The following DYNLT2B variants were observed in gnomAD, a reference collection of about 807,000 sequenced individuals.
DYNLT2B encodes the protein dynein light chain Tctex-type 2B, also known as dynein light chain Tctex-type protein 2B.
A neutral mutation model predicts 19.5 loss-of-function variants in DYNLT2B; 14 were observed. The observed-to-expected ratio is 0.72, with a 90% CI of 0.47 to 1.12. DYNLT2B has a LOEUF of 1.12. Among genes scored for constraint, DYNLT2B ranks in the 50% most tolerant of loss-of-function variants. DYNLT2B has a pLI of 0.00. For synonymous variants in DYNLT2B, 70 were observed against 59.7 expected (o/e 1.17, Z -0.79); for missense variants, 133 against 174.7 (o/e 0.76, Z 1.35).
At chr3:196,296,890 C>T (rs1249788983) in intron 3 of DYNLT2B, among the ~76,000 whole-genome samples, 1 of 152,006 alleles carries the variant, frequency 6.6e-6, no homozygotes, top group African/African-American at 2.4e-5. Flanking sequence ...ACAGCCACTG[C>T]ACTTCAGCCT....
chr3:196,307,215 T>C (rs1370787669), intron 2 of DYNLT2B, among the ~76,000 whole-genome samples: 1 of 152,174 alleles, frequency 6.6e-6, no homozygotes, highest in Non-Finnish European at 1.5e-5. Flanking sequence ...AATTTAACTT[T>C]TCAGTTTAAG....
chr3:196,301,858 A>AT (rs1726363535), intron 3 of DYNLT2B, among the ~76,000 whole-genome samples: 1 of 152,204 alleles, frequency 6.6e-6, no homozygotes, highest in Non-Finnish European at 1.5e-5. Flanking sequence ...GAAAGATACA[A>AT]TAACTGAAAT....
rs896558742 is a variant in DYNLT2B, at chr3:196,318,070, G to A, written c.83C>T (p.Thr28Ile). ...AEKNAGEPEN[T>I]YILRPVFQQR... ...CTGGAAAACAGGCCGCAGAATATAG[G>A]TGTTCTCGGGCTCCCCTGCGTTCTT... The change falls in exon 1 of 5, where the codon ACC becomes ATC. Residue 28 changes from threonine to isoleucine, a missense_variant. Thr to Ile is a moderately conservative substitution (Grantham distance 89). Transcript: ENST00000325318. 2 of 1,562,060 alleles carry A rather than the reference G, an allele frequency of 1.3e-6. No homozygotes were observed. Among genetic ancestry groups the A allele is most frequent in the African/African-American group, 1.4e-5 (1 of 70,576 alleles).
chr3:196,315,541 G>A (rs952673521), intron 2 of DYNLT2B, among the ~76,000 whole-genome samples: 5 of 151,636 alleles, frequency 3.3e-5, no homozygotes, highest in African/African-American at 7.3e-5. Flanking sequence ...GATTACAGGC[G>A]TGAGCCACTG....
intron 1 of DYNLT2B, among the ~76,000 whole-genome samples, chr3:196,316,699 T>G (rs535163073): frequency 6.6e-6 from 1 of 152,318 alleles, no homozygotes; most frequent in Non-Finnish European, 1.5e-5. Context: ...GTATGAAATT[T>G]GTATCACTTT....
intron 3 of DYNLT2B, among the ~76,000 whole-genome samples, chr3:196,299,287 G>A (rs1420272274): frequency 1.3e-5 from 2 of 151,816 alleles, no homozygotes; most frequent in African/African-American, 2.4e-5. Flanking sequence ...GTTTCACCAT[G>A]TTGGGCAGGC....
chr3:196,315,735 G>A (rs1027343711), intron 2 of DYNLT2B, among the ~76,000 whole-genome samples: 2 of 152,104 alleles, frequency 1.3e-5, no homozygotes, highest in Non-Finnish European at 2.9e-5. Context: ...AGCCAGGCGT[G>A]ATGGTGCATG....
chr3:196,308,870 G>A (rs564249951), intron 2 of DYNLT2B, among the ~76,000 whole-genome samples: 18 of 152,054 alleles, frequency 1.2e-4, no homozygotes, highest in African/African-American at 4.3e-4. Flanking sequence ...TCACGGTTCT[G>A]AGGGGAAAAT....
intron 4 of DYNLT2B, among the ~76,000 whole-genome samples, chr3:196,291,652 T>C (rs1726099228): frequency 6.6e-6 from 1 of 152,110 alleles, no homozygotes; most frequent in Admixed American, 6.6e-5. Context: ...CTAATTTTGT[T>C]TATTTTTTGT....
chr3:196,311,315 G>A (rs997540559), intron 2 of DYNLT2B, among the ~76,000 whole-genome samples: 1 of 151,692 alleles, frequency 6.6e-6, no homozygotes, highest in South Asian at 2.1e-4. Flanking sequence ...CTTGGGAGGC[G>A]GAGATGGGAG....
chr3:196,292,407 C>T (rs1726113828), intron 4 of DYNLT2B: 1 of 152,190 alleles, frequency 6.6e-6, no homozygotes, highest in South Asian at 2.1e-4. Flanking sequence ...GGGTGGATAA[C>T]TCTGAACTGT....
At chr3:196,308,754 A>G (rs962617766) in intron 2 of DYNLT2B, among the ~76,000 whole-genome samples, 1 of 152,222 alleles carries the variant, frequency 6.6e-6, no homozygotes, top group African/African-American at 2.4e-5. Flanking sequence ...ACAGAGTCCA[A>G]GTTATTTTTA....
chr3:196,306,827 C>G, intron 3 of DYNLT2B, 116 bp downstream of exon 3: 1 of 880,420 alleles, frequency 1.1e-6, no homozygotes, highest in Non-Finnish European at 1.8e-6. Flanking sequence ...AGGTGTGACC[C>G]ATCACACCCG....
chr3:196,294,331 G>T lies in DYNLT2B; in HGVS notation c.381+1675C>A, dbSNP rs930682243. On this transcript the variant is annotated intron_variant, in intron 4 of 4. Coordinates refer to ENST00000325318, the MANE Select transcript of DYNLT2B (RefSeq NM_152773.5). Reference sequence around the variant, plus strand: ...CATTGCACTCCATCCTGGGCAACAAGAGCAAAATTCTGTCTCAAAAAATAA... The same window carrying T: ...CATTGCACTCCATCCTGGGCAACAATAGCAAAATTCTGTCTCAAAAAATAA... 2.0e-5 allele frequency among the ~76,000 whole-genome samples: 3 copies of T among 152,118 alleles called. No individual in the cohort carries two copies. In the East Asian group the frequency reaches 5.8e-4, roughly 29 times the overall value.
chr3:196,309,227 G>A (rs1157431189), intron 2 of DYNLT2B, among the ~76,000 whole-genome samples: 1 of 151,934 alleles, frequency 6.6e-6, no homozygotes, highest in Admixed American at 6.6e-5. Flanking sequence ...ACCAGCCTAG[G>A]CAGCATGACA....
rs73212160 is a variant in DYNLT2B at position 196,307,534 on chromosome 3, C to A, written c.248-522G>T. Reference sequence around the variant, plus strand: ...CCCAGGCTGGTCTCGAACTCCTGACCTCAGGTGATCCACTCACCTTGGCCT... The same window carrying A: ...CCCAGGCTGGTCTCGAACTCCTGACATCAGGTGATCCACTCACCTTGGCCT... On this transcript the variant is annotated intron_variant, in intron 2 of 4. Transcript: ENST00000325318. Among the ~76,000 whole-genome samples, 14 of 151,870 alleles carry A rather than the reference C, an allele frequency of 9.2e-5. No homozygotes were observed. In the East Asian group the frequency reaches 9.9e-4, roughly 11 times the overall value.
chr3:196,312,143 G>A (rs972397142), intron 2 of DYNLT2B, among the ~76,000 whole-genome samples: 1 of 152,162 alleles, frequency 6.6e-6, no homozygotes. Context: ...GCCTCCCTAA[G>A]TGCTGGGATT....
At chr3:196,310,046 A>G (rs781178379) in intron 2 of DYNLT2B, among the ~76,000 whole-genome samples, 4 of 152,174 alleles carry the variant, frequency 2.6e-5, no homozygotes, top group Admixed American at 6.6e-5. Flanking sequence ...TCACAATACT[A>G]GAACAATGTA....
At chr3:196,309,432 C>T (rs898009598) in intron 2 of DYNLT2B, among the ~76,000 whole-genome samples, 1 of 151,744 alleles carries the variant, frequency 6.6e-6, no homozygotes, top group Non-Finnish European at 1.5e-5. Flanking sequence ...CACTTGGCTA[C>T]TTTTGTATTT....
Sources: allele counts gnomAD v4.1 joint callset (sites outside exome capture counted in the v4.1 genomes callset), GRCh38; gene constraint gnomAD v4.1.1; transcripts MANE v1.5; gene names NCBI Gene and HGNC (gene_info 2026-07-23, HGNC 2026-07-21).